Variants in ATL3 observed in about 807,000 individuals in gnomAD.
The protein encoded by ATL3 is atlastin GTPase 3.
In ATL3, 49 loss-of-function variants were observed where a neutral mutation model predicts 69.5. That is an observed-to-expected ratio of 0.71 (90% CI 0.56 to 0.89). The LOEUF is 0.89. ATL3 is among the 40% of genes least tolerant of loss of function. ATL3 has a pLI of 0.00. For missense variants in ATL3, 606 were observed against 645.7 expected (o/e 0.94, Z 0.67); for synonymous variants, 214 against 224.1 (o/e 0.95, Z 0.40).
chr11:63,668,689 G>C (rs926826995), intron 1 of ATL3, among the ~76,000 whole-genome samples: 1 of 151,588 alleles, frequency 6.6e-6, no homozygotes, highest in Non-Finnish European at 1.5e-5. Flanking sequence ...TATATCACAA[G>C]TGGAGGAAAA....
intron 8 of ATL3, among the ~76,000 whole-genome samples, chr11:63,640,847 C>A (rs1175009425): frequency 1.3e-5 from 2 of 152,124 alleles, no homozygotes; most frequent in East Asian, 1.9e-4. Context: ...GGTGATTCGT[C>A]CACCTTGGCC....
At chr11:63,657,737 CA>C (rs1352213113) in intron 3 of ATL3, among the ~76,000 whole-genome samples, 8 of 152,092 alleles carry the variant, frequency 5.3e-5, no homozygotes, top group Non-Finnish European at 1.2e-4. Flanking sequence ...AAGTTGTTTT[CA>C]CATCTTCCTT....
At chr11:63,658,606 A>T (rs972843289) in intron 3 of ATL3, among the ~76,000 whole-genome samples, 155 bp downstream of exon 3, 3 of 152,226 alleles carry the variant, frequency 2.0e-5, no homozygotes, top group Non-Finnish European at 4.4e-5. Context: ...CAACAGACTA[A>T]AATTTCAGGA....
At chr11:63,644,057 T>A (rs1939786188) in intron 7 of ATL3, 112 bp downstream of exon 7, 1 of 690,580 alleles carries the variant, frequency 1.4e-6, no homozygotes, top group South Asian at 1.8e-5. Context: ...CATATATAGT[T>A]AATGTATTCA....
intron 11 of ATL3, chr11:63,632,193 AC>A (rs1939343680): frequency 1.7e-6 from 1 of 574,554 alleles, no homozygotes; most frequent in Admixed American, 2.5e-5. Context: ...CAGATCTATG[AC>A]CAATGGTGGC....
chr11:63,646,411 C>T, intron 6 of ATL3, 96 bp downstream of exon 6: 4 of 671,876 alleles, frequency 6.0e-6, no homozygotes, highest in Non-Finnish European at 1.0e-5. Context: ...CATATAAAAA[C>T]AGGTGGCAAG....
chr11:63,643,937 T>C (rs1939783122), intron 7 of ATL3, among the ~76,000 whole-genome samples: 1 of 152,250 alleles, frequency 6.6e-6, no homozygotes, highest in African/African-American at 2.4e-5. Context: ...AAATGGAAAT[T>C]ATAATCAAAG....
At chr11:63,639,299 A>G (rs769188364) in intron 8 of ATL3, among the ~76,000 whole-genome samples, 1 of 152,206 alleles carries the variant, frequency 6.6e-6, no homozygotes, top group Non-Finnish European at 1.5e-5. Context: ...TCCAAATCTA[A>G]AATGTACATA....
rs1940081738 is a variant in ATL3 at position 63,651,566 on chromosome 11, T to TTAACCC, written c.561+364_561+369dup. On this transcript the variant is annotated intron_variant, in intron 5 of 12. Coordinates refer to ENST00000398868, the MANE Select transcript of ATL3 (RefSeq NM_015459.5). Reference sequence around the variant, plus strand: ...CTCACTGCCTCTCTGACTTCATCACTTAACCCCTTCCTGTCACACTCTCCA... The same window carrying TTAACCC: ...CTCACTGCCTCTCTGACTTCATCACTTAACCCTAACCCCTTCCTGTCACACTCTCCA... 2.0e-5 allele frequency among the ~76,000 whole-genome samples: 3 copies of TTAACCC among 152,108 alleles called. No individual in the cohort carries two copies. In the South Asian group the frequency reaches 6.2e-4, roughly 32 times the overall value.
Position 63,631,322 on chromosome 11 carries a change from C to G in ATL3, c.1257G>C (p.Glu419Asp). 6.2e-7 allele frequency: 1 copy of G among 1,614,180 alleles called. No homozygotes were observed. Reference protein sequence around the residue: ...FSFRYQQELEEEIKELYENFC... With the variant: ...FSFRYQQELEDEIKELYENFC... Reference sequence around the variant, plus strand: ...AGTTCTCATATAATTCCTTGATTTCCTCCTCCAGCTCCTGCTGGTAACGAA... The same window carrying G: ...AGTTCTCATATAATTCCTTGATTTCGTCCTCCAGCTCCTGCTGGTAACGAA... Residue 419 changes from glutamate (E) to aspartate (D), a missense_variant, in exon 12 of 13, where the codon GAG (glutamate) becomes GAC (aspartate). Coordinates refer to ENST00000398868, the MANE Select transcript of ATL3 (RefSeq NM_015459.5).
At position 63,633,077 on chromosome 11, in the gene ATL3, G is replaced by A. The variant is rs902688720; in HGVS notation, c.1056C>T (p.Asn352=). The change falls in exon 11 of 13, where the codon AAC becomes AAT. Residue 352 remains asparagine (N), a synonymous_variant. Coordinates refer to ENST00000398868, the MANE Select transcript of ATL3 (RefSeq NM_015459.5). ...SMLQATAEAN[N]LAAAASAKDI... ...CCTTGGCAGAGGCTGCAGCTGCTAA[G>A]TTGTTGGCTTCAGCAGTGGCCTTTT... The A allele has an allele frequency of 1.9e-6, 3 of 1,614,146 alleles. No individual in the cohort carries two copies. The highest frequency in any genetic ancestry group is 2.5e-6 in the Non-Finnish European group (3 of 1,179,980).
At chr11:63,648,157 A>C (rs969049054) in intron 5 of ATL3, among the ~76,000 whole-genome samples, 3 of 152,124 alleles carry the variant, frequency 2.0e-5, no homozygotes, top group Non-Finnish European at 2.9e-5. Flanking sequence ...TTAGATACCA[A>C]ACTCAGCTGA....
At position 63,649,758 on chromosome 11, in the gene ATL3, G is replaced by A. The variant is rs142278306; in HGVS notation, c.561+2178C>T. ...TCACCATGTTGGCCAGACTGGTCTC[G>A]AACACCCAAACTCAGGTGATCAGCC... On this transcript the variant is annotated intron_variant, in intron 5 of 12. Coordinates refer to ENST00000398868, the MANE Select transcript of ATL3 (RefSeq NM_015459.5). Among the ~76,000 whole-genome samples the A allele has an allele frequency of 2.0e-4, 30 of 151,712 alleles. No individual in the cohort carries two copies. The East Asian group carries it at 4.5e-3, about 23-fold the overall frequency.
At chr11:63,657,208 CAAAAA>C (rs1254213240) in intron 3 of ATL3, among the ~76,000 whole-genome samples, 1 of 59,904 alleles carries the variant, frequency 1.7e-5, no homozygotes. Flanking sequence ...GACTACATCT[CAAAAA>C]AAAAAAAAAA....
intron 10 of ATL3, among the ~76,000 whole-genome samples, chr11:63,635,257 C>T (rs1361025988): frequency 2.0e-5 from 3 of 152,090 alleles, no homozygotes; most frequent in South Asian, 2.1e-4. Context: ...GTTTCAACCA[C>T]GTATAATAAA....
Position 63,624,485 on chromosome 11 carries a change from A to G in ATL3, c.*4834T>C, listed in dbSNP as rs960541405. 2.0e-5 allele frequency: 3 copies of G among 152,152 alleles called. No homozygotes were observed. Among genetic ancestry groups the G allele is most frequent in the African/African-American group, 7.2e-5 (3 of 41,428 alleles). The allele number at this position is 152,152 out of a possible 1,614,324, so 9.4% of individuals were successfully genotyped here. The stretch of plus-strand genomic sequence containing the variant: ...TTCTGTCCCTAGATCTGTTTTGCAA[A>G]GTTTCTGATATGGGGTACTTAGGTC... On this transcript the variant is annotated 3_prime_UTR_variant, in exon 13 of 13. Transcript: ENST00000398868.
chr11:63,629,955 AT>A (rs1319867200), intron 12 of ATL3, among the ~76,000 whole-genome samples: 1 of 152,212 alleles, frequency 6.6e-6, no homozygotes, highest in African/African-American at 2.4e-5. Context: ...AGATTTTTAA[AT>A]AAAAAAGATA....
In ATL3 at chr11:63,629,275, A is replaced by G; in HGVS notation, c.*44T>C. On this transcript the variant is annotated 3_prime_UTR_variant, in exon 13 of 13. Coordinates refer to ENST00000398868, the MANE Select transcript of ATL3 (RefSeq NM_015459.5). ...TGGCCGTGGCAGAAACCCAGAAATC[A>G]GTAGGGGCTTGTTGTGTTCTTGTTT... is the stretch of plus-strand genomic sequence containing the variant. 6.5e-7 allele frequency: 1 copy of G among 1,528,816 alleles called. No homozygotes were observed. The highest frequency in any genetic ancestry group is 9.1e-7 in the Non-Finnish European group (1 of 1,102,684). 94.7% of individuals were successfully genotyped at this position (1,528,816 alleles called of 1,614,324 possible).
chr11:63,639,842 C>T (rs902165313), intron 8 of ATL3, among the ~76,000 whole-genome samples: 1 of 151,962 alleles, frequency 6.6e-6, no homozygotes, highest in Non-Finnish European at 1.5e-5. Context: ...AGGATCATAC[C>T]ACATATGCTA....
Sources: allele counts gnomAD v4.1 joint callset (sites outside exome capture counted in the v4.1 genomes callset), GRCh38; gene constraint gnomAD v4.1.1; transcripts MANE v1.5; gene names NCBI Gene and HGNC (gene_info 2026-07-23, HGNC 2026-07-21).